The following ADAMTS12 variants were observed in gnomAD, a reference collection of about 807,000 sequenced individuals.
ADAMTS12 encodes A disintegrin and metalloproteinase with thrombospondin motifs 12.
A neutral mutation model predicts 167.8 loss-of-function variants in ADAMTS12; 118 were observed. That is an observed-to-expected ratio of 0.70 (90% CI 0.61 to 0.82). ADAMTS12 has a LOEUF of 0.82. Ranked by LOEUF, ADAMTS12 falls within the 40% of genes least tolerant of loss-of-function variation. The probability of loss-of-function intolerance (pLI) is 0.00; values close to 1 mark genes in which losing one functional copy is unlikely to be tolerated. For missense variants in ADAMTS12, 1,916 were observed against 1,998.8 expected, an observed-to-expected ratio of 0.96 and a Z score of 0.79; for synonymous variants, 704 against 716.9, an observed-to-expected ratio of 0.98 and a Z score of 0.29.
intron 2 of ADAMTS12, among the ~76,000 whole-genome samples, chr5:33,839,119 T>G (rs895033637): frequency 6.6e-6 from 1 of 152,168 alleles, no homozygotes; most frequent in South Asian, 2.1e-4. Context: ...AGAAGAGCGT[T>G]GAGATCAAGA....
intron 2 of ADAMTS12, among the ~76,000 whole-genome samples, chr5:33,779,882 T>C (rs1266342326): frequency 6.6e-6 from 1 of 152,264 alleles, no homozygotes; most frequent in East Asian, 1.9e-4. Context: ...GGATAAGTTC[T>C]GGAGAGCTAA....
At chr5:33,582,125 T>G (rs2111985089) in intron 18 of ADAMTS12, among the ~76,000 whole-genome samples, 1 of 152,206 alleles carries the variant, frequency 6.6e-6, no homozygotes, top group East Asian at 1.9e-4. Context: ...CCTCGGGAGC[T>G]AAGATAATAA....
intron 2 of ADAMTS12, among the ~76,000 whole-genome samples, chr5:33,830,092 T>C (rs1484303723): frequency 1.3e-5 from 2 of 152,116 alleles, no homozygotes; most frequent in Non-Finnish European, 2.9e-5. Context: ...TGAAATGAGG[T>C]AGACATTTCT....
chr5:33,882,274 T>C (rs1039367737), intron 1 of ADAMTS12, among the ~76,000 whole-genome samples: 2 of 152,034 alleles, frequency 1.3e-5, no homozygotes, highest in Admixed American at 1.3e-4. Flanking sequence ...AGCATAAGAG[T>C]GTTCCATAAT....
chr5:33,594,493 C>G (rs1296723077), intron 17 of ADAMTS12, among the ~76,000 whole-genome samples: 2 of 152,188 alleles, frequency 1.3e-5, no homozygotes, highest in Admixed American at 6.5e-5. Context: ...TCTCACAGTT[C>G]ATGAACTCTG....
At chr5:33,746,120 C>T (rs1423180832) in intron 3 of ADAMTS12, among the ~76,000 whole-genome samples, 4 of 152,184 alleles carry the variant, frequency 2.6e-5, no homozygotes, top group African/African-American at 9.7e-5. Flanking sequence ...ACTGTGAAGC[C>T]ACCTCTATTC....
chr5:33,798,655 G>A (rs1746873668), intron 2 of ADAMTS12, among the ~76,000 whole-genome samples: 2 of 152,002 alleles, frequency 1.3e-5, no homozygotes, highest in Admixed American at 1.3e-4. Context: ...GGCCAGGCTG[G>A]TCTTGAACTC....
At chr5:33,546,956 C>T (rs746756148) in intron 21 of ADAMTS12, among the ~76,000 whole-genome samples, 1 of 152,204 alleles carries the variant, frequency 6.6e-6, no homozygotes, top group Admixed American at 6.5e-5. Context: ...ATGTCCATCA[C>T]ATCAGGTAGT....
At chr5:33,740,678 G>T (rs1373448562) in intron 3 of ADAMTS12, among the ~76,000 whole-genome samples, 2 of 152,208 alleles carry the variant, frequency 1.3e-5, no homozygotes, top group African/African-American at 4.8e-5. Flanking sequence ...TCCTACCAGG[G>T]GCATAGAGGG....
intron 2 of ADAMTS12, among the ~76,000 whole-genome samples, chr5:33,850,124 G>T (rs746160558): frequency 6.6e-6 from 1 of 152,056 alleles, no homozygotes; most frequent in Non-Finnish European, 1.5e-5. Context: ...TTACCATATC[G>T]TCTGTACGGA....
At chr5:33,528,417 C>T (rs1018404465) in intron 23 of ADAMTS12, among the ~76,000 whole-genome samples, 9 of 152,144 alleles carry the variant, frequency 5.9e-5, no homozygotes, top group African/African-American at 1.9e-4. Context: ...ACCCCCAAAA[C>T]TATTGAAATT....
intron 20 of ADAMTS12, among the ~76,000 whole-genome samples, chr5:33,553,171 T>A (rs970830078): frequency 6.6e-6 from 1 of 152,202 alleles, no homozygotes; most frequent in East Asian, 1.9e-4. Context: ...TGAGATACCA[T>A]TTCACATCTG....
At chr5:33,687,498 A>T (rs888574778) in intron 3 of ADAMTS12, among the ~76,000 whole-genome samples, 7 of 152,224 alleles carry the variant, frequency 4.6e-5, no homozygotes, top group African/African-American at 1.7e-4. Flanking sequence ...GGCCCAAGTT[A>T]CTCTCCTGAA....
chr5:33,716,218 GAAATGGTACCATCTTTT>G (rs1038401752), intron 3 of ADAMTS12, among the ~76,000 whole-genome samples: 3 of 152,180 alleles, frequency 2.0e-5, no homozygotes, highest in Admixed American at 6.5e-5. Flanking sequence ...GAGACACAGA[GAAATGGTACCATCTTTT>G]AAATGGTACC....
At chr5:33,527,588 T>C (rs1743884310) in intron 23 of ADAMTS12, among the ~76,000 whole-genome samples, 1 of 152,190 alleles carries the variant, frequency 6.6e-6, no homozygotes, top group South Asian at 2.1e-4. Flanking sequence ...TCCCATGTAA[T>C]TGTTTTATAC....
chr5:33,880,972 G>A (rs539003326), intron 2 of ADAMTS12, 147 bp downstream of exon 2: 23 of 1,203,960 alleles, frequency 1.9e-5, no homozygotes, highest in Middle Eastern at 3.0e-4. Flanking sequence ...ATACTTTCTC[G>A]CCAACCACTT....
At chr5:33,888,122 T>A (rs1750703593) in intron 1 of ADAMTS12, 1 of 152,232 alleles carries the variant, frequency 6.6e-6, no homozygotes, top group Non-Finnish European at 1.5e-5. Context: ...ATCTTCTCTG[T>A]ATCGGTCCAA....
intron 2 of ADAMTS12, among the ~76,000 whole-genome samples, chr5:33,821,636 T>C (rs1177463319): frequency 6.6e-6 from 1 of 152,184 alleles, no homozygotes; most frequent in Non-Finnish European, 1.5e-5. Flanking sequence ...TAAGTACTCG[T>C]TGTTAGCTTT....
chr5:33,734,568 C>T (rs1744303932), intron 3 of ADAMTS12, among the ~76,000 whole-genome samples: 2 of 152,192 alleles, frequency 1.3e-5, no homozygotes, highest in South Asian at 4.1e-4. Context: ...CATAATATAG[C>T]TTCTAAAATT....
Sources: gnomAD v4.1 joint callset for allele counts (sites outside exome capture counted in the v4.1 genomes callset) on GRCh38, gnomAD v4.1.1 for gene constraint, MANE v1.5 for transcripts, NCBI Gene and HGNC (gene_info 2026-07-23, HGNC 2026-07-21) for gene names.